Variants in NDST4 observed in about 807,000 individuals in gnomAD.
NDST4 encodes N-deacetylase and N-sulfotransferase 4.
NDST4 carries 63 observed loss-of-function variants against 100.8 expected under a neutral mutation model. That is an observed-to-expected ratio of 0.62 (90% CI 0.51 to 0.77). The LOEUF (loss-of-function observed/expected upper bound fraction) is 0.77. Ranked by LOEUF, NDST4 falls within the 30% of genes least tolerant of loss-of-function variation. NDST4 has a pLI of 0.00. For synonymous variants in NDST4, 377 were observed against 361.8 expected (o/e 1.04, Z -0.48); for missense variants, 943 against 1,018.4 (o/e 0.93, Z 1.01).
At chr4:115,040,213 T>A (rs535095956) in intron 2 of NDST4, among the ~76,000 whole-genome samples, 57 of 151,270 alleles carry the variant, frequency 3.8e-4, no homozygotes, top group South Asian at 1.7e-3. Context: ...TTTTAAGAAG[T>A]AATCTATAAA....
chr4:114,870,993 A>C (rs770983054), intron 6 of NDST4, 43 bp from the exon 7 acceptor site: 61 of 1,518,702 alleles, frequency 4.0e-5, no homozygotes, highest in Non-Finnish European at 5.5e-5. Context: ...TCATATGCTT[A>C]AGCTTAAAAG....
intron 6 of NDST4, among the ~76,000 whole-genome samples, chr4:114,894,124 C>A (rs185069191): frequency 6.6e-4 from 101 of 152,266 alleles, no homozygotes; most frequent in African/African-American, 2.4e-3. Context: ...TAGTACCATG[C>A]TGTTTTTGTT....
intron 6 of NDST4, among the ~76,000 whole-genome samples, chr4:114,888,506 G>A (rs1233548048): frequency 2.0e-5 from 3 of 152,120 alleles, no homozygotes; most frequent in Non-Finnish European, 4.4e-5. Flanking sequence ...TAGTCTTTGC[G>A]ACTGCCTTAT....
intron 9 of NDST4, among the ~76,000 whole-genome samples, chr4:114,846,932 T>C (rs955550323): frequency 5.9e-5 from 9 of 152,216 alleles, no homozygotes; most frequent in Middle Eastern, 3.4e-3. Context: ...ATAACCTGCA[T>C]GCAATTCCAA....
intron 1 of NDST4, among the ~76,000 whole-genome samples, chr4:115,098,345 T>C (rs1351833247): frequency 6.6e-6 from 1 of 152,188 alleles, no homozygotes; most frequent in Non-Finnish European, 1.5e-5. Context: ...ACTGACATGG[T>C]AAACATTTCC....
intron 6 of NDST4, among the ~76,000 whole-genome samples, chr4:114,914,152 TAGAG>T (rs1398058828): frequency 3.3e-5 from 5 of 151,824 alleles, no homozygotes; most frequent in African/African-American, 7.3e-5. Context: ...TTCATGGAGA[TAGAG>T]AGTAGAAGGA....
At chr4:114,956,712 G>A (rs919474537) in intron 4 of NDST4, among the ~76,000 whole-genome samples, 1 of 152,086 alleles carries the variant, frequency 6.6e-6, no homozygotes, top group Admixed American at 6.6e-5. Flanking sequence ...GAGTGACTAT[G>A]TTCCCTATGA....
chr4:114,932,770 C>CT (rs1725541930), intron 6 of NDST4, among the ~76,000 whole-genome samples: 1 of 151,760 alleles, frequency 6.6e-6, no homozygotes, highest in South Asian at 2.1e-4. Context: ...TAAATGTAAC[C>CT]AAGGAAGTTA....
chr4:114,922,012 C>T (rs1463229875), intron 6 of NDST4, among the ~76,000 whole-genome samples: 4 of 138,950 alleles, frequency 2.9e-5, no homozygotes, highest in African/African-American at 1.4e-4. Flanking sequence ...GGTAGTTAGT[C>T]AGACCCAGGC....
At chr4:114,943,680 C>G (rs900248532) in intron 4 of NDST4, among the ~76,000 whole-genome samples, 17 of 152,052 alleles carry the variant, frequency 1.1e-4, no homozygotes, top group African/African-American at 4.1e-4. Flanking sequence ...TTATTCCAAA[C>G]AGTATACTAG....
intron 2 of NDST4, among the ~76,000 whole-genome samples, chr4:115,017,049 T>C (rs1560861125): frequency 6.6e-6 from 1 of 151,816 alleles, no homozygotes; most frequent in Non-Finnish European, 1.5e-5. Context: ...AGTTTTTCTA[T>C]AACGAAATCT....
At chr4:114,929,035 T>A (rs988666483) in intron 6 of NDST4, among the ~76,000 whole-genome samples, 5 of 147,488 alleles carry the variant, frequency 3.4e-5, no homozygotes, top group African/African-American at 1.3e-4. Context: ...TGTCTGTCTG[T>A]CTGTCTGTCC....
intron 1 of NDST4, among the ~76,000 whole-genome samples, chr4:115,080,573 A>T (rs1455787519): frequency 6.6e-6 from 1 of 152,188 alleles, no homozygotes; most frequent in Admixed American, 6.6e-5. Context: ...TTTGGTCTGA[A>T]ATATATAAAG....
intron 6 of NDST4, among the ~76,000 whole-genome samples, chr4:114,877,678 A>G (rs1724284115): frequency 6.6e-6 from 1 of 152,160 alleles, no homozygotes; most frequent in South Asian, 2.1e-4. Context: ...GCCGGGCGCA[A>G]TGGTTCACGC....
intron 6 of NDST4, among the ~76,000 whole-genome samples, chr4:114,898,144 A>T (rs1048716931): frequency 6.6e-6 from 1 of 152,152 alleles, no homozygotes; most frequent in African/African-American, 2.4e-5. Context: ...AAGGTCATCT[A>T]CGTTTTTAAC....
At chr4:114,959,652 C>G (rs1264359812) in intron 4 of NDST4, among the ~76,000 whole-genome samples, 2 of 151,942 alleles carry the variant, frequency 1.3e-5, no homozygotes, top group African/African-American at 4.8e-5. Context: ...CACAGCCAAA[C>G]CATATCAGGG....
At chr4:115,075,826 A>C (rs1729167796) in intron 2 of NDST4, among the ~76,000 whole-genome samples, 1 of 148,412 alleles carries the variant, frequency 6.7e-6, no homozygotes, top group African/African-American at 2.5e-5. Context: ...AAGTTCACTA[A>C]CTCTTTGGGA....
intron 8 of NDST4, among the ~76,000 whole-genome samples, chr4:114,851,177 G>A (rs1413340245): frequency 6.6e-6 from 1 of 152,176 alleles, no homozygotes; most frequent in Non-Finnish European, 1.5e-5. Flanking sequence ...AAGATTGGCA[G>A]CACGTATTTG....
At chr4:114,942,381 A>C (rs1725768785) in intron 4 of NDST4, among the ~76,000 whole-genome samples, 1 of 152,010 alleles carries the variant, frequency 6.6e-6, no homozygotes, top group African/African-American at 2.4e-5. Flanking sequence ...AAGATTATTT[A>C]ATTTTTTAAA....
Sources: gnomAD v4.1 joint callset for allele counts (sites outside exome capture counted in the v4.1 genomes callset) on GRCh38, gnomAD v4.1.1 for gene constraint, MANE v1.5 for transcripts, NCBI Gene and HGNC (gene_info 2026-07-23, HGNC 2026-07-21) for gene names.